P2RY8: variants seen among roughly 807,000 people sequenced by gnomAD.
P2RY8 encodes S-geranylgeranyl-glutathione receptor P2RY8.
In P2RY8, 6 loss-of-function variants were observed where a neutral mutation model predicts 10.0. The observed-to-expected ratio is 0.60, with a 90% confidence interval of 0.33 to 1.19. The LOEUF is 1.19. Among genes scored for constraint, P2RY8 ranks in the 50% most tolerant of loss-of-function variants. The probability of loss-of-function intolerance (pLI) is 0.04; values close to 1 mark genes in which losing one functional copy is unlikely to be tolerated. For synonymous variants in P2RY8, 276 were observed against 252.5 expected, an observed-to-expected ratio of 1.09 and a Z score of -0.88; for missense variants, 456 against 542.0, an observed-to-expected ratio of 0.84 and a Z score of 1.58.
chrX:1,487,836 C>G (rs767730794), intron 1 of P2RY8, among the ~76,000 whole-genome samples: 98 of 152,298 alleles, frequency 6.4e-4, no homozygotes, highest in African/African-American at 2.3e-3. Flanking sequence ...CCGGGCCAGG[C>G]GCGGTGGCTC....
chrX:1,466,130 C>T lies in P2RY8; in HGVS notation c.429G>A (p.Ala143=), dbSNP rs1256856911. The change falls in exon 2 of 2, where the codon GCG becomes GCA. Residue 143 remains alanine (A), a synonymous_variant. Coordinates refer to ENST00000381297, the MANE Select transcript of P2RY8 (RefSeq NM_178129.5). ...GGAGCAGCAGCCAGGTCCCTGCACA[C>T]GCGGCCACCGCGTAACGACGGCGGC... ...RWRRRRYAVA[A]CAGTWLLLLT... is the part of the protein sequence containing the mutation. The T allele has an allele frequency of 1.2e-6, 2 of 1,611,552 alleles. No individual in the cohort carries two copies. Among genetic ancestry groups the T allele is most frequent in the Admixed American group, 3.3e-5 (2 of 59,802 alleles).
intron 1 of P2RY8, among the ~76,000 whole-genome samples, chrX:1,502,651 G>A (rs1267049737): frequency 9.3e-4 from 141 of 152,274 alleles, no homozygotes; most frequent in Middle Eastern, 3.4e-3. Flanking sequence ...TTTGGGGAGG[G>A]GGTTTCATTT....
In P2RY8 at chrX:1,524,549, C is replaced by CCATG. The variant is rs1182306546; in HGVS notation, c.-25+12368_-25+12371dup. 4.4e-3 allele frequency among the ~76,000 whole-genome samples: 405 copies of CCATG among 93,034 alleles called. 26 individuals are homozygous for CCATG. The highest frequency in any genetic ancestry group is 9.6e-3 in the South Asian group (21 of 2,196). 61.0% of individuals were successfully genotyped at this position (93,034 alleles called of 152,430 possible). A position where few individuals can be genotyped will look rare whatever the true frequency, so the allele number is the denominator to read the frequency against. ...TCCATTCATCCATCCATCCATCCAT[C>CCATG]CATGCATGCATCCATCCATCCATCC... On this transcript the variant is annotated intron_variant, in intron 1 of 1. Coordinates refer to ENST00000381297, the MANE Select transcript of P2RY8 (RefSeq NM_178129.5).
chrX:1,487,814 T>TA (rs1396447581), intron 1 of P2RY8, among the ~76,000 whole-genome samples: 1 of 151,814 alleles, frequency 6.6e-6, no homozygotes, highest in Non-Finnish European at 1.5e-5. Flanking sequence ...AGAATACGGG[T>TA]AAAAAAGAAG....
At chrX:1,517,296 T>C (rs184309793) in intron 1 of P2RY8, among the ~76,000 whole-genome samples, 8 of 152,082 alleles carry the variant, frequency 5.3e-5, no homozygotes, top group Non-Finnish European at 1.2e-4. Context: ...GGAGACAGCA[T>C]CTACAAGCCC....
rs539376483 is a variant in P2RY8 at position 1,478,273 on chromosome X, G to GTGTGTGTGTGCA, written c.-24-11692_-24-11691insTGCACACACACA. Among the ~76,000 whole-genome samples the GTGTGTGTGTGCA allele has an allele frequency of 9.1e-4, 122 of 133,620 alleles. 1 individual carries two copies. The highest frequency in any genetic ancestry group is 4.7e-3 in the Admixed American group (65 of 13,766). 87.7% of individuals were successfully genotyped at this position (133,620 alleles called of 152,430 possible). A position where few individuals can be genotyped will look rare whatever the true frequency, so the allele number is the denominator to read the frequency against. ...TATGTGTGTGTGTGTGTGTGTGTGT[G>GTGTGTGTGTGCA]CCCAGCAGGGAAGCAGAAATTATTA... On this transcript the variant is annotated intron_variant, in intron 1 of 1. Transcript: ENST00000381297.
chrX:1,511,375 T>G (rs1170658978), intron 1 of P2RY8, among the ~76,000 whole-genome samples: 2 of 152,182 alleles, frequency 1.3e-5, no homozygotes, highest in East Asian at 3.8e-4. Flanking sequence ...AATACAAGTA[T>G]GCTTGGTCAT....
chrX:1,501,668 A>G (rs187541657), intron 1 of P2RY8, among the ~76,000 whole-genome samples: 1 of 152,212 alleles, frequency 6.6e-6, no homozygotes, highest in Admixed American at 6.5e-5. Flanking sequence ...ATCTTGGCTC[A>G]CTGCAACCTC....
intron 1 of P2RY8, among the ~76,000 whole-genome samples, chrX:1,505,556 G>A (rs1195650554): frequency 1.4e-4 from 22 of 152,156 alleles, no homozygotes; most frequent in Non-Finnish European, 1.6e-4. Context: ...CTGGGAGGCC[G>A]AGGCGGGTCG....
intron 1 of P2RY8, among the ~76,000 whole-genome samples, chrX:1,524,878 C>T (rs1201611737): frequency 9.8e-6 from 1 of 101,938 alleles, no homozygotes; most frequent in Non-Finnish European, 2.2e-5. Context: ...TCCACTCATC[C>T]ATCCATCCAT....
chrX:1,469,196 G>C (rs1242741358), intron 1 of P2RY8, among the ~76,000 whole-genome samples: 1 of 136,016 alleles, frequency 7.4e-6, no homozygotes, highest in Non-Finnish European at 1.6e-5. Flanking sequence ...TCTTTTCGCA[G>C]TCTGTCATCC....
At chrX:1,496,477 C>G (rs1459417300) in intron 1 of P2RY8, among the ~76,000 whole-genome samples, 1 of 152,126 alleles carries the variant, frequency 6.6e-6, no homozygotes, top group South Asian at 2.1e-4. Context: ...GGGTTTCTCT[C>G]TCTCTCCGCT....
intron 1 of P2RY8, among the ~76,000 whole-genome samples, chrX:1,515,950 G>GA (rs1258600564): frequency 1.1e-5 from 1 of 88,816 alleles, no homozygotes; most frequent in Non-Finnish European, 2.8e-5. Context: ...GAGGGGTCGG[G>GA]GGGTGGTGGA....
At chrX:1,474,660 G>C (rs1458408221) in intron 1 of P2RY8, among the ~76,000 whole-genome samples, 1 of 148,208 alleles carries the variant, frequency 6.7e-6, no homozygotes, top group Non-Finnish European at 1.5e-5. Flanking sequence ...GGACGTGTGG[G>C]TGGATGGATG....
At chrX:1,477,816 G>A (rs2091892404) in intron 1 of P2RY8, among the ~76,000 whole-genome samples, 1 of 152,148 alleles carries the variant, frequency 6.6e-6, no homozygotes, top group Admixed American at 6.5e-5. Flanking sequence ...GAGCTCAGGA[G>A]TACTTTCCAA....
chrX:1,466,875 C>A (rs1425121633), intron 1 of P2RY8, among the ~76,000 whole-genome samples: 2 of 149,278 alleles, frequency 1.3e-5, no homozygotes, highest in Admixed American at 6.7e-5. Context: ...TCCTTCCTTC[C>A]TTCCTTCCTT....
intron 1 of P2RY8, among the ~76,000 whole-genome samples, chrX:1,518,467 T>C (rs1321558628): frequency 2.7e-5 from 4 of 148,472 alleles, no homozygotes; most frequent in Admixed American, 1.3e-4. Flanking sequence ...ATATTAAATA[T>C]TTAATATATA....
intron 1 of P2RY8, among the ~76,000 whole-genome samples, chrX:1,520,079 T>G (rs1367390970): frequency 6.6e-6 from 1 of 151,476 alleles, no homozygotes; most frequent in African/African-American, 2.4e-5. Context: ...TTCTCTCTGA[T>G]CTCCAATTAT....
intron 1 of P2RY8, among the ~76,000 whole-genome samples, chrX:1,524,557 GCATCCATCCATC>G (rs1245241515): frequency 0.011 from 736 of 64,944 alleles, 44 homozygotes; most frequent in Admixed American, 0.017. Flanking sequence ...ATCCATGCAT[GCATCCATCCATC>G]CATCCATCCA....
Sources: allele counts gnomAD v4.1 joint callset (sites outside exome capture counted in the v4.1 genomes callset), GRCh38; gene constraint gnomAD v4.1.1; transcripts MANE v1.5; gene names NCBI Gene and HGNC (gene_info 2026-07-23, HGNC 2026-07-21).